Variants in GRB10 observed in about 807,000 individuals in gnomAD.
The protein encoded by GRB10 is growth factor receptor-bound protein 10.
In GRB10, 20 loss-of-function variants were observed where a neutral mutation model predicts 80.9. The ratio of observed to expected loss-of-function variants is 0.25; its 90% confidence interval spans 0.17 to 0.36. The LOEUF (loss-of-function observed/expected upper bound fraction) is 0.36, where lower values mean the gene tolerates loss of function less well. Among genes scored for constraint, GRB10 ranks in the 10% least tolerant of loss-of-function variants. The pLI, the probability that GRB10 is intolerant of heterozygous loss-of-function variation, is 1.00. For missense variants in GRB10, 548 were observed against 747.7 expected, an observed-to-expected ratio of 0.73 and a Z score of 3.12; for synonymous variants, 291 against 291.5, an observed-to-expected ratio of 1.00 and a Z score of 0.02.
chr7:50,630,682 T>C (rs2053829344), intron 7 of GRB10, among the ~76,000 whole-genome samples: 1 of 152,158 alleles, frequency 6.6e-6, no homozygotes, highest in South Asian at 2.1e-4. Context: ...TTCTCTCTAC[T>C]GCAAAAAAGC....
chr7:50,596,901 T>C (rs1463161676), intron 17 of GRB10, among the ~76,000 whole-genome samples: 1 of 152,088 alleles, frequency 6.6e-6, no homozygotes, highest in African/African-American at 2.4e-5. Flanking sequence ...CATGAGAAAA[T>C]CTGGAGTTAG....
intron 3 of GRB10, among the ~76,000 whole-genome samples, chr7:50,752,616 T>C (rs1380894388): frequency 6.6e-6 from 1 of 152,172 alleles, no homozygotes; most frequent in African/African-American, 2.4e-5. Flanking sequence ...AGCCCTCCCC[T>C]GACTGCATTC....
intron 3 of GRB10, among the ~76,000 whole-genome samples, chr7:50,749,286 G>A (rs2073709554): frequency 1.3e-5 from 2 of 151,758 alleles, no homozygotes; most frequent in Non-Finnish European, 2.9e-5. Flanking sequence ...TCACCACCAT[G>A]CCCAGCTAAT....
intron 7 of GRB10, among the ~76,000 whole-genome samples, chr7:50,663,855 T>C (rs901860606): frequency 3.3e-5 from 5 of 152,124 alleles, no homozygotes; most frequent in African/African-American, 1.2e-4. Context: ...GCAGACACCA[T>C]AGGAGTCACC....
rs770348449 is a variant in GRB10 at position 50,604,092 on chromosome 7, G to C, written c.1457-7C>G. On this transcript the variant is annotated splice_polypyrimidine_tract_variant and splice_region_variant and intron_variant, in intron 16 of 18. Transcript: ENST00000401949. ...TGCTGTGTCCTGTGAATCACTGTGG[G>C]GGGAAGACAGGAGGAGGGTAGGATG... The C allele has an allele frequency of 7.5e-6, 12 of 1,610,390 alleles. No individual in the cohort carries two copies. The highest frequency in any genetic ancestry group is 2.7e-5 in the African/African-American group (2 of 74,840).
chr7:50,666,351 C>T (rs1393661446), intron 7 of GRB10, among the ~76,000 whole-genome samples: 1 of 152,148 alleles, frequency 6.6e-6, no homozygotes, highest in South Asian at 2.1e-4. Flanking sequence ...CAGAGGGAGG[C>T]GGCATTGGAG....
chr7:50,626,535 C>G (rs1585905033), intron 8 of GRB10, among the ~76,000 whole-genome samples: 1 of 152,230 alleles, frequency 6.6e-6, no homozygotes, highest in Non-Finnish European at 1.5e-5. Context: ...GTGGCTCTGA[C>G]AGCTGGGGAG....
chr7:50,740,190 CCAGT>C (rs1167450203), intron 3 of GRB10, among the ~76,000 whole-genome samples: 1 of 152,252 alleles, frequency 6.6e-6, no homozygotes, highest in African/African-American at 2.4e-5. Flanking sequence ...CCCCCACTTG[CCAGT>C]CACTCAGATG....
chr7:50,690,170 C>T (rs2058014), intron 5 of GRB10, among the ~76,000 whole-genome samples: 92,795 of 151,708 alleles, frequency 0.61, 31,179 homozygotes, highest in Middle Eastern at 0.85. Flanking sequence ...GTGGTGCATG[C>T]TTGTAGTCCC....
chr7:50,789,204 T>C (rs1163413092), intron 1 of GRB10, among the ~76,000 whole-genome samples: 4 of 152,332 alleles, frequency 2.6e-5, no homozygotes, highest in Admixed American at 6.5e-5. Context: ...GCAACTAGCA[T>C]GTACAAAGCA....
intron 13 of GRB10, among the ~76,000 whole-genome samples, chr7:50,610,939 G>A (rs1031129487): frequency 2.0e-5 from 3 of 151,920 alleles, no homozygotes; most frequent in Non-Finnish European, 2.9e-5. Context: ...ATTACCCAAA[G>A]TAATAGAATT....
chr7:50,672,817 C>T (rs1468389484), intron 6 of GRB10, among the ~76,000 whole-genome samples: 5 of 152,206 alleles, frequency 3.3e-5, no homozygotes, highest in African/African-American at 1.2e-4. Flanking sequence ...CCAAGAGATG[C>T]TCCCAAGAGA....
chr7:50,628,314 G>A (rs992837115), intron 7 of GRB10, among the ~76,000 whole-genome samples: 13 of 152,166 alleles, frequency 8.5e-5, no homozygotes, highest in Admixed American at 3.9e-4. Context: ...AACTCCCTCC[G>A]AGGCTCCCCG....
intron 2 of GRB10, among the ~76,000 whole-genome samples, chr7:50,770,029 A>G (rs565547026): frequency 8.5e-5 from 13 of 152,274 alleles, no homozygotes; most frequent in Admixed American, 4.6e-4. Flanking sequence ...GGGGGAAGAG[A>G]CAGAGAGACA....
intron 5 of GRB10, among the ~76,000 whole-genome samples, chr7:50,692,724 TAAGA>T (rs1476635588): frequency 6.6e-6 from 1 of 152,094 alleles, no homozygotes; most frequent in Non-Finnish European, 1.5e-5. Context: ...TATGTCACAG[TAAGA>T]AAGACATGTG....
chr7:50,665,416 T>C (rs1320955592), intron 7 of GRB10, among the ~76,000 whole-genome samples: 1 of 152,168 alleles, frequency 6.6e-6, no homozygotes, highest in East Asian at 1.9e-4. Context: ...CCAAAACATC[T>C]CACACTATTT....
intron 7 of GRB10, among the ~76,000 whole-genome samples, chr7:50,663,190 G>T (rs527809303): frequency 1.3e-5 from 2 of 152,264 alleles, no homozygotes; most frequent in South Asian, 2.1e-4. Flanking sequence ...AGATGCTGCT[G>T]GGACATTCCA....
chr7:50,609,985 G>T (rs1057018412), intron 13 of GRB10, among the ~76,000 whole-genome samples: 3 of 152,078 alleles, frequency 2.0e-5, no homozygotes, highest in Non-Finnish European at 4.4e-5. Context: ...AAGGTCCTAG[G>T]TTAATTCAAA....
At position 50,684,573 on chromosome 7, in the gene GRB10, T is replaced by C. The variant is rs181106363; in HGVS notation, c.140-9915A>G. 3.0e-3 allele frequency among the ~76,000 whole-genome samples: 454 copies of C among 149,168 alleles called. 1 individual carries two copies. The highest frequency in any genetic ancestry group is 5.0e-3 in the Non-Finnish European group (341 of 67,924). On this transcript the variant is annotated intron_variant, in intron 5 of 18. Transcript: ENST00000401949. ...TTATGACTGCCTGGACTCTGCACCA[T>C]AGAGCCTATACAACACAGGAAAACA...
Sources: gnomAD v4.1 joint callset for allele counts (sites outside exome capture counted in the v4.1 genomes callset) on GRCh38, gnomAD v4.1.1 for gene constraint, MANE v1.5 for transcripts, NCBI Gene and HGNC (gene_info 2026-07-23, HGNC 2026-07-21) for gene names.